Variants in KANK1 observed in about 807,000 individuals in gnomAD.
KANK1 encodes the protein KN motif and ankyrin repeat domains 1, also known as KN motif and ankyrin repeat domain-containing protein 1.
Under a neutral mutation model 106.2 loss-of-function variants are expected in KANK1, and 109 were observed. The observed-to-expected ratio is 1.03, with a 90% CI of 0.88 to 1.20. KANK1 has a LOEUF of 1.20. Among genes scored for constraint, KANK1 ranks in the 50% most tolerant of loss-of-function variants. The pLI is 0.00. For synonymous variants in KANK1, 873 were observed against 652.2 expected (o/e 1.34, Z -5.16); for missense variants, 2,399 against 1,710.7 (o/e 1.40, Z -7.10).
intron 1 of KANK1, among the ~76,000 whole-genome samples, chr9:557,264 G>A (rs1185774912): frequency 2.0e-5 from 3 of 151,194 alleles, no homozygotes; most frequent in Non-Finnish European, 4.4e-5. Context: ...AAGATATATT[G>A]TTTTGGTTTT....
intron 1 of KANK1, among the ~76,000 whole-genome samples, chr9:533,013 A>G (rs2060135678): frequency 6.6e-6 from 1 of 152,000 alleles, no homozygotes; most frequent in South Asian, 2.1e-4. Context: ...ACAGTTTTGG[A>G]GTTGGATTTT....
intron 2 of KANK1, among the ~76,000 whole-genome samples, chr9:471,275 C>T (rs761044050): frequency 6.6e-6 from 1 of 152,084 alleles, no homozygotes; most frequent in East Asian, 1.9e-4. Context: ...AGGAAGGGAC[C>T]GAGGAGGGGC....
In KANK1 at chr9:732,363, C is replaced by T. The variant is rs1476271295; in HGVS notation, c.3006-15C>T. ...AGCACACCTTGCATCTCCTGAAATC[C>T]CAATTGCCACCTAGGTATGAAACAA... On this transcript the variant is annotated splice_polypyrimidine_tract_variant and intron_variant, in intron 5 of 11. Coordinates refer to ENST00000382297, the MANE Select transcript of KANK1 (RefSeq NM_015158.5). 6.9e-6 allele frequency: 11 copies of T among 1,600,966 alleles called. No individual in the cohort carries two copies. The highest frequency in any genetic ancestry group is 9.4e-6 in the Non-Finnish European group (11 of 1,169,630).
chr9:684,710 A>AG (rs1818215983), intron 2 of KANK1: 1 of 375,066 alleles, frequency 2.7e-6, no homozygotes, highest in Middle Eastern at 1.4e-3. Context: ...TGTCTGGGAT[A>AG]ATTTCAGTTC....
intron 1 of KANK1, among the ~76,000 whole-genome samples, chr9:618,154 T>C (rs1437933703): frequency 1.3e-5 from 2 of 152,206 alleles, no homozygotes; most frequent in African/African-American, 2.4e-5. Flanking sequence ...GCCCATGTAA[T>C]ATAAAATTAT....
chr9:679,733 T>G (rs1049261138), intron 2 of KANK1, among the ~76,000 whole-genome samples: 2 of 152,214 alleles, frequency 1.3e-5, no homozygotes, highest in Non-Finnish European at 2.9e-5. Context: ...AGATGTGTGT[T>G]GTATTGTCTG....
intron 1 of KANK1, among the ~76,000 whole-genome samples, chr9:592,340 C>G (rs982548694): frequency 6.6e-6 from 1 of 151,688 alleles, no homozygotes; most frequent in Non-Finnish European, 1.5e-5. Context: ...AGCGGGAAGC[C>G]GGGGGAGGGG....
intron 1 of KANK1, among the ~76,000 whole-genome samples, chr9:522,726 A>G (rs79298872): frequency 6.6e-5 from 10 of 151,724 alleles, no homozygotes; most frequent in Non-Finnish European, 1.2e-4. Flanking sequence ...TGACTTTGGT[A>G]TCTCATAGAA....
rs528585434 is a variant in KANK1 at position 711,672 on chromosome 9, C to T, written c.906C>T (p.Val302=). ...SVLQEEKRQL[V]SQLKNQRAAS... ...TGCAAGAAGAGAAAAGGCAGTTGGT[C>T]TCACAGCTGAAAAACCAAAGGGCTG... Residue 302 remains valine (V), a synonymous_variant, in exon 3 of 12, where the codon GTC becomes GTT. Coordinates refer to ENST00000382297, the MANE Select transcript of KANK1 (RefSeq NM_015158.5). The T allele has an allele frequency of 6.8e-6, 11 of 1,614,208 alleles. No individual in the cohort carries two copies. In the East Asian group the frequency reaches 2.5e-4, roughly 36 times the overall value.
chr9:666,401 C>T (rs112958483), intron 1 of KANK1, among the ~76,000 whole-genome samples: 1 of 152,066 alleles, frequency 6.6e-6, no homozygotes, highest in Non-Finnish European at 1.5e-5. Context: ...ACATTCAAAG[C>T]GAATTTGACT....
intron 3 of KANK1, among the ~76,000 whole-genome samples, chr9:481,102 T>G (rs528077200): frequency 1.5e-4 from 23 of 152,342 alleles, no homozygotes; most frequent in South Asian, 1.0e-3. Flanking sequence ...AATGCCTGTT[T>G]TATAATAAAG....
intron 3 of KANK1, among the ~76,000 whole-genome samples, chr9:722,516 C>T (rs1362378165): frequency 1.3e-5 from 2 of 152,150 alleles, no homozygotes; most frequent in East Asian, 1.9e-4. Flanking sequence ...TGCACGTTTT[C>T]TTCGTTTTGC....
At chr9:733,743 C>G (rs1236764489) in intron 6 of KANK1, 1 of 152,344 alleles carries the variant, frequency 6.6e-6, no homozygotes, top group East Asian at 1.9e-4. Context: ...GTCTGGGTGA[C>G]AGAGCAAGAC....
chr9:510,072 A>G (rs185838907), intron 1 of KANK1, among the ~76,000 whole-genome samples: 3 of 151,756 alleles, frequency 2.0e-5, no homozygotes, highest in African/African-American at 7.3e-5. Flanking sequence ...TTGCCCTCCT[A>G]AAAGTGCTGG....
At chr9:513,547 T>C (rs530186031) in intron 1 of KANK1, among the ~76,000 whole-genome samples, 8 of 152,332 alleles carry the variant, frequency 5.3e-5, no homozygotes, top group African/African-American at 1.9e-4. Context: ...GAACCTCTAG[T>C]CTTGTTGGTT....
chr9:640,263 A>G (rs1358242230), intron 1 of KANK1, among the ~76,000 whole-genome samples: 1 of 151,974 alleles, frequency 6.6e-6, no homozygotes, highest in African/African-American at 2.4e-5. Context: ...TATTTCTGAG[A>G]CAGAGTCTCG....
intron 9 of KANK1, among the ~76,000 whole-genome samples, chr9:741,279 C>CTTCATAGCAAA (rs1835417971): frequency 1.3e-5 from 2 of 151,864 alleles, no homozygotes; most frequent in Non-Finnish European, 2.9e-5. Flanking sequence ...GTTGTACTGT[C>CTTCATAGCAAA]TTCATAGCAA....
chr9:657,087 T>C (rs1454842387), intron 1 of KANK1, among the ~76,000 whole-genome samples: 1 of 152,212 alleles, frequency 6.6e-6, no homozygotes, highest in Non-Finnish European at 1.5e-5. Context: ...TTTCTGTTTC[T>C]ATGACTTTAA....
chr9:655,532 G>C (rs770563733), intron 1 of KANK1, among the ~76,000 whole-genome samples: 15 of 152,156 alleles, frequency 9.9e-5, no homozygotes, highest in Admixed American at 3.3e-4. Context: ...TGGGGGTCTT[G>C]CTGGAATGCA....
Sources: gnomAD v4.1 joint callset for allele counts (sites outside exome capture counted in the v4.1 genomes callset) on GRCh38, gnomAD v4.1.1 for gene constraint, MANE v1.5 for transcripts, NCBI Gene and HGNC (gene_info 2026-07-23, HGNC 2026-07-21) for gene names.